CCDC47: variants seen among roughly 807,000 people sequenced by gnomAD.
The protein encoded by CCDC47 is PAT complex subunit CCDC47.
CCDC47 carries 41 observed loss-of-function variants against 60.5 expected under a neutral mutation model. The ratio of observed to expected loss-of-function variants is 0.68; its 90% CI spans 0.53 to 0.88. The LOEUF (loss-of-function observed/expected upper bound fraction) is 0.88, where lower values mean the gene tolerates loss of function less well. CCDC47 is among the 40% of genes least tolerant of loss of function. The pLI, the probability that CCDC47 is intolerant of heterozygous loss-of-function variation, is 0.00. For synonymous variants in CCDC47, 195 were observed against 190.7 expected, an observed-to-expected ratio of 1.02 and a Z score of -0.18; for missense variants, 513 against 580.9, an observed-to-expected ratio of 0.88 and a Z score of 1.20.
intron 9 of CCDC47, chr17:63,753,089 T>C (rs1366557922): frequency 8.0e-6 from 3 of 376,396 alleles, no homozygotes; most frequent in African/African-American, 4.4e-5. Flanking sequence ...GAAATGAGCC[T>C]ATATTTAAGT....
At chr17:63,750,602 T>C (rs2039155542) in intron 12 of CCDC47, among the ~76,000 whole-genome samples, 1 of 152,016 alleles carries the variant, frequency 6.6e-6, no homozygotes, top group South Asian at 2.1e-4. Flanking sequence ...TTTTTTTTTT[T>C]GAGACAGGGT....
chr17:63,758,091 C>T (rs1468983518), intron 6 of CCDC47, among the ~76,000 whole-genome samples: 1 of 152,180 alleles, frequency 6.6e-6, no homozygotes, highest in Non-Finnish European at 1.5e-5. Context: ...CCGAACGACT[C>T]CCAACCCTGT....
chr17:63,747,733 G>A, intron 12 of CCDC47: 1 of 985,008 alleles, frequency 1.0e-6, no homozygotes, highest in Non-Finnish European at 1.2e-6. Context: ...GGTACAGGAT[G>A]GAGAAAATAG....
chr17:63,771,091 A>G (rs1279010747), intron 1 of CCDC47, among the ~76,000 whole-genome samples: 1 of 152,002 alleles, frequency 6.6e-6, no homozygotes, highest in African/African-American at 2.4e-5. Flanking sequence ...TAAAGTTCAT[A>G]AAATTTGAAA....
chr17:63,748,515 C>T lies in CCDC47; in HGVS notation c.1372-1554G>A, dbSNP rs1350920423. Among the ~76,000 whole-genome samples, 3 of 152,130 alleles carry T rather than the reference C, an allele frequency of 2.0e-5. No homozygotes were observed. The East Asian group carries it at 5.8e-4, about 29-fold the overall frequency. On this transcript the variant is annotated intron_variant, in intron 12 of 12. Transcript: ENST00000225726. ...TCCCGACTCACTGCAACCTCTGCCT[C>T]CCAGGTTCGATCCCAATGTCCTCTT... is the stretch of plus-strand genomic sequence containing the variant.
At chr17:63,747,512 T>G (rs1002228930) in intron 12 of CCDC47, 16 of 980,154 alleles carry the variant, frequency 1.6e-5, no homozygotes, top group Non-Finnish European at 1.9e-5. Flanking sequence ...TATCATATTT[T>G]TATTTAGGAA....
rs1028653993 is a variant in CCDC47 at position 63,755,356 on chromosome 17, A to G, written c.949-838T>C. On this transcript the variant is annotated intron_variant, in intron 8 of 12. Transcript: ENST00000225726. ...TACTCCAGGCTGGGTGCAGTGGCTC[A>G]TGCCTGTAATCCAAGCGCTTTGGGA... The G allele has an allele frequency of 7.3e-6, 7 of 954,052 alleles. No individual in the cohort carries two copies. The African/African-American group carries it at 1.2e-4, about 17-fold the overall frequency. 59.1% of individuals were successfully genotyped at this position (954,052 alleles called of 1,614,324 possible).
rs2039127445 is a variant in CCDC47 at position 63,747,259 on chromosome 17, G to A, written c.1372-298C>T. On this transcript the variant is annotated intron_variant, in intron 12 of 12. Transcript: ENST00000225726. ...TGTTATTCTGGTTTGATTTTTTTCT[G>A]TACCCAGGGAACACTTAGCCTGATG... 5 of 984,770 alleles carry A rather than the reference G, an allele frequency of 5.1e-6. No homozygotes were observed. The South Asian group carries it at 1.9e-4, about 37-fold the overall frequency. The allele number at this position is 984,770 out of a possible 1,614,324, so 61.0% of individuals were successfully genotyped here.
rs1177539198 is a variant in CCDC47 at position 63,764,019 on chromosome 17, CTAAAG to C, written c.539_543del (p.Thr180SerfsTer4). 3.8e-6 allele frequency: 6 copies of C among 1,587,402 alleles called. No homozygotes were observed. The highest frequency in any genetic ancestry group is 4.3e-6 in the Non-Finnish European group (5 of 1,171,172). On this transcript the variant is annotated frameshift_variant, in exon 4 of 13. Transcript: ENST00000225726. LOFTEE classifies it high-confidence loss of function. ...GGCTGACATTGGCCTCACTTACCCA[CTAAAG>C]TAAAGTTGCTCTCCAAAAGCTCCCT...
chr17:63,752,867 C>A, intron 9 of CCDC47, 68 bp from the exon 10 acceptor site: 3 of 1,570,352 alleles, frequency 1.9e-6, no homozygotes, highest in East Asian at 2.3e-5. Flanking sequence ...ACAAGTCACC[C>A]AATACACTTA....
intron 1 of CCDC47, among the ~76,000 whole-genome samples, chr17:63,769,251 G>GAA (rs113701799): frequency 5.0e-4 from 69 of 137,154 alleles, no homozygotes; most frequent in Admixed American, 7.4e-4. Context: ...CTGTCTAAAA[G>GAA]AAAAAAAAAA....
chr17:63,754,596 T>C (rs2039191307), intron 8 of CCDC47, 78 bp from the exon 9 acceptor site: 1 of 918,804 alleles, frequency 1.1e-6, no homozygotes, highest in African/African-American at 1.7e-5. Flanking sequence ...ATTCACTCTT[T>C]GAGATGGTGC....
chr17:63,756,006 C>G (rs2039203044), intron 8 of CCDC47, among the ~76,000 whole-genome samples: 1 of 151,146 alleles, frequency 6.6e-6, no homozygotes, highest in African/African-American at 2.4e-5. Context: ...ACCTGAAAGT[C>G]ATTAGCAATC....
At chr17:63,759,817 G>T (rs946947834) in intron 6 of CCDC47, among the ~76,000 whole-genome samples, 3 of 151,258 alleles carry the variant, frequency 2.0e-5, no homozygotes, top group Admixed American at 1.3e-4. Flanking sequence ...TGTAATCCCA[G>T]CACTCTGGGA....
intron 12 of CCDC47, among the ~76,000 whole-genome samples, chr17:63,750,590 CT>C (rs71155982): frequency 1.9e-3 from 270 of 145,398 alleles, no homozygotes; most frequent in Admixed American, 2.0e-3. Context: ...TGTCCTCTCC[CT>C]TTTTTTTTTT....
Position 63,764,160 on chromosome 17 carries a change from T to A in CCDC47, c.403A>T (p.Ser135Cys). 6.2e-7 allele frequency: 1 copy of A among 1,610,970 alleles called. No homozygotes were observed. Among genetic ancestry groups the A allele is most frequent in the South Asian group, 1.1e-5 (1 of 90,424 alleles). Residue 135 changes from serine to cysteine, a missense_variant, in exon 4 of 13, where the codon AGT (serine) becomes TGT (cysteine). By Grantham distance (112) the Ser-to-Cys change is moderately radical (BLOSUM62 -1). Transcript: ENST00000225726. ...VPAHLQNSWE[S>C]YYLEILMVTG... ...ACCATCAAAATTTCTAGATAATAAC[T>A]CTCCCAGCTGTTCTGGAGGTGTGCA...
At chr17:63,749,940 G>A (rs2039150265) in intron 12 of CCDC47, among the ~76,000 whole-genome samples, 1 of 151,950 alleles carries the variant, frequency 6.6e-6, no homozygotes, top group Non-Finnish European at 1.5e-5. Flanking sequence ...GGGCAACAGA[G>A]TGAGACCCTG....
chr17:63,756,510 G>C lies in CCDC47; in HGVS notation c.796C>G (p.Arg266Gly). Residue 266 changes from arginine to glycine, a missense_variant, in exon 7 of 13, where the codon CGG becomes GGG. Transcript: ENST00000225726. ...MDTYVFAVGT[R>G]KALVRLQKEM... ...TTCTGTAGTCGCACCAAGGCTTTCC[G>C]TGTGCCAACAGCAAATACGTAGGTA... 6.2e-7 allele frequency: 1 copy of C among 1,613,988 alleles called. No individual in the cohort carries two copies. Among genetic ancestry groups the C allele is most frequent in the Non-Finnish European group, 8.5e-7 (1 of 1,179,886 alleles).
At chr17:63,757,378 A>T (rs1424383811) in intron 6 of CCDC47, among the ~76,000 whole-genome samples, 2 of 68,146 alleles carry the variant, frequency 2.9e-5, no homozygotes, top group African/African-American at 4.0e-5. Context: ...AAAAAAATTA[A>T]AAAAAAAAAA....
Sources: gnomAD v4.1 joint callset for allele counts (sites outside exome capture counted in the v4.1 genomes callset) on GRCh38, gnomAD v4.1.1 for gene constraint, MANE v1.5 for transcripts, NCBI Gene and HGNC (gene_info 2026-07-23, HGNC 2026-07-21) for gene names.